Variants in LUZP2 observed in about 807,000 individuals in gnomAD.
The protein encoded by LUZP2 is leucine zipper protein 2.
Under a neutral mutation model 51.6 loss-of-function variants are expected in LUZP2, and 52 were observed. The ratio of observed to expected loss-of-function variants is 1.01; its 90% confidence interval spans 0.81 to 1.27. The LOEUF (loss-of-function observed/expected upper bound fraction) is 1.27, where lower values mean the gene tolerates loss of function less well. Among genes scored for constraint, LUZP2 ranks in the 50% most tolerant of loss-of-function variants. The pLI is 0.00. For missense variants in LUZP2, 436 were observed against 395.4 expected, an observed-to-expected ratio of 1.10 and a Z score of -0.87; for synonymous variants, 154 against 137.3, an observed-to-expected ratio of 1.12 and a Z score of -0.85.
intron 1 of LUZP2, among the ~76,000 whole-genome samples, chr11:24,572,403 C>T (rs1230965596): frequency 1.3e-5 from 2 of 151,402 alleles, no homozygotes; most frequent in Non-Finnish European, 2.9e-5. Context: ...TTTTTTTGAA[C>T]ACAGAAGACA....
intron 5 of LUZP2, among the ~76,000 whole-genome samples, chr11:24,897,322 G>C (rs141827782): frequency 6.6e-6 from 1 of 152,138 alleles, no homozygotes; most frequent in Non-Finnish European, 1.5e-5. Flanking sequence ...GTAGCAACCC[G>C]CCTCTGTGGA....
chr11:24,575,188 AAAAG>A (rs1379986308), intron 1 of LUZP2, among the ~76,000 whole-genome samples: 1 of 152,166 alleles, frequency 6.6e-6, no homozygotes, highest in Admixed American at 6.6e-5. Context: ...GCTATATTTA[AAAAG>A]AAAGAAAGAA....
intron 9 of LUZP2, among the ~76,000 whole-genome samples, chr11:25,015,628 A>T (rs1857126042): frequency 6.6e-6 from 1 of 151,992 alleles, no homozygotes; most frequent in Non-Finnish European, 1.5e-5. Flanking sequence ...CTTGGACTGG[A>T]GTTACAGATT....
At chr11:24,543,057 C>G (rs2896706) in intron 1 of LUZP2, among the ~76,000 whole-genome samples, 59,191 of 151,538 alleles carry the variant, frequency 0.39, 13,375 homozygotes, top group East Asian at 0.61. Context: ...GTTCATAACA[C>G]TTTGGGGAAA....
chr11:24,710,064 T>C (rs1054121672), intron 1 of LUZP2, among the ~76,000 whole-genome samples: 1 of 152,178 alleles, frequency 6.6e-6, no homozygotes, highest in African/African-American at 2.4e-5. Context: ...TAACTATAAT[T>C]ATCATTTGCT....
chr11:24,672,238 T>C (rs1336831805), intron 1 of LUZP2, among the ~76,000 whole-genome samples: 1 of 152,164 alleles, frequency 6.6e-6, no homozygotes, highest in Non-Finnish European at 1.5e-5. Flanking sequence ...TTTAGTTTCT[T>C]TGAGAGTAGT....
intron 1 of LUZP2, among the ~76,000 whole-genome samples, chr11:24,508,690 T>A (rs1850212479): frequency 6.6e-6 from 1 of 152,148 alleles, no homozygotes; most frequent in Non-Finnish European, 1.5e-5. Flanking sequence ...ACTCATAATT[T>A]AATTTTTAAA....
intron 5 of LUZP2, among the ~76,000 whole-genome samples, chr11:24,869,059 G>C (rs1245606444): frequency 2.0e-5 from 3 of 152,144 alleles, no homozygotes; most frequent in Admixed American, 6.6e-5. Context: ...AGAAGGGAGA[G>C]ATTTTGCACT....
chr11:24,681,360 C>T (rs148593691), intron 1 of LUZP2, among the ~76,000 whole-genome samples: 174 of 152,272 alleles, frequency 1.1e-3, no homozygotes, highest in African/African-American at 3.7e-3. Context: ...TTCATAGAGA[C>T]ATTCTAAGAA....
At chr11:24,775,396 A>T (rs1180306216) in intron 5 of LUZP2, among the ~76,000 whole-genome samples, 5 of 152,188 alleles carry the variant, frequency 3.3e-5, no homozygotes, top group Non-Finnish European at 2.9e-5. Flanking sequence ...TCAATGCTGT[A>T]AGTATCTGTT....
intron 1 of LUZP2, among the ~76,000 whole-genome samples, chr11:24,556,493 CTG>C (rs1318066393): frequency 1.3e-5 from 2 of 151,934 alleles, no homozygotes; most frequent in Non-Finnish European, 2.9e-5. Flanking sequence ...AAAGGAGAAA[CTG>C]TATTTACTTA....
intron 1 of LUZP2, among the ~76,000 whole-genome samples, chr11:24,669,351 G>A (rs1856324588): frequency 6.6e-6 from 1 of 152,064 alleles, no homozygotes; most frequent in Non-Finnish European, 1.5e-5. Context: ...TTATCACCCA[G>A]TACTTTTCTA....
chr11:24,792,761 A>G (rs773940597), intron 5 of LUZP2, among the ~76,000 whole-genome samples: 110 of 152,258 alleles, frequency 7.2e-4, no homozygotes, highest in Middle Eastern at 6.8e-3. Context: ...CCCATTCACA[A>G]TGAAAGCTGT....
chr11:24,590,658 T>C (rs1853227207), intron 1 of LUZP2, among the ~76,000 whole-genome samples: 1 of 152,206 alleles, frequency 6.6e-6, no homozygotes, highest in Admixed American at 6.5e-5. Context: ...ATTAAGTGTG[T>C]TGCCTTAATA....
chr11:24,621,222 CTT>C (rs1454035054), intron 1 of LUZP2, among the ~76,000 whole-genome samples: 3 of 152,182 alleles, frequency 2.0e-5, no homozygotes, highest in Admixed American at 6.5e-5. Flanking sequence ...GTGTTTGACT[CTT>C]AACATTTTAT....
intron 7 of LUZP2, among the ~76,000 whole-genome samples, chr11:24,963,483 C>T (rs1282680563): frequency 6.6e-6 from 1 of 152,190 alleles, no homozygotes; most frequent in Admixed American, 6.5e-5. Context: ...GTGCCCCTCC[C>T]CCAGCCCCGC....
chr11:25,048,222 C>A (rs947390006), intron 9 of LUZP2, among the ~76,000 whole-genome samples: 7 of 152,154 alleles, frequency 4.6e-5, no homozygotes, highest in African/African-American at 7.2e-5. Context: ...TATAGACCAA[C>A]AAGCCAACAA....
At chr11:24,521,997 T>TA (rs1267655497) in intron 1 of LUZP2, among the ~76,000 whole-genome samples, 1 of 152,132 alleles carries the variant, frequency 6.6e-6, no homozygotes, top group Non-Finnish European at 1.5e-5. Flanking sequence ...TTAGAAACTA[T>TA]AGGGAAACCT....
chr11:24,908,504 T>G (rs1853528649), intron 6 of LUZP2, among the ~76,000 whole-genome samples: 1 of 152,184 alleles, frequency 6.6e-6, no homozygotes, highest in Admixed American at 6.6e-5. Context: ...TTATGAAAAC[T>G]TTATGACTCA....
Sources: gnomAD v4.1 joint callset for allele counts (sites outside exome capture counted in the v4.1 genomes callset) on GRCh38, gnomAD v4.1.1 for gene constraint, MANE v1.5 for transcripts, NCBI Gene and HGNC (gene_info 2026-07-23, HGNC 2026-07-21) for gene names.